LDHAL6A: variants seen among roughly 807,000 people sequenced by gnomAD.
LDHAL6A encodes lactate dehydrogenase A like 6A, also known as L-lactate dehydrogenase A-like 6A.
Under a neutral mutation model 28.2 loss-of-function variants are expected in LDHAL6A, and 19 were observed. The observed-to-expected ratio is 0.67, with a 90% CI of 0.47 to 0.99. LDHAL6A has a LOEUF of 0.99. Ranked by LOEUF, LDHAL6A falls within the 50% of genes least tolerant of loss-of-function variation. The probability of loss-of-function intolerance (pLI) is 0.00; values close to 1 mark genes in which losing one functional copy is unlikely to be tolerated. For missense variants in LDHAL6A, 372 were observed against 398.6 expected, an observed-to-expected ratio of 0.93 and a Z score of 0.57; for synonymous variants, 144 against 134.4, an observed-to-expected ratio of 1.07 and a Z score of -0.49.
At chr11:18,475,065 A>G (rs1293456841) in intron 3 of LDHAL6A, among the ~76,000 whole-genome samples, 2 of 152,166 alleles carry the variant, frequency 1.3e-5, no homozygotes, top group Non-Finnish European at 2.9e-5. Context: ...ACATAGTGAA[A>G]CCCCACCTCT....
intron 1 of LDHAL6A, among the ~76,000 whole-genome samples, chr11:18,461,117 C>A (rs1228818920): frequency 6.6e-6 from 1 of 151,136 alleles, no homozygotes; most frequent in Non-Finnish European, 1.5e-5. Context: ...GGATTACATG[C>A]GTGAGCCACC....
Position 18,464,974 on chromosome 11 carries a change from TTTG to T in LDHAL6A, c.245-660_245-658del, listed in dbSNP as rs1328222221. Among the ~76,000 whole-genome samples, 15 of 7,812 alleles carry T rather than the reference TTTG, an allele frequency of 1.9e-3. 1 individual carries two copies. Among genetic ancestry groups the T allele is most frequent in the Non-Finnish European group, 2.8e-4 (1 of 3,524 alleles). The allele number at this position is 7,812 out of a possible 152,430, so 5.1% of individuals were successfully genotyped here. A position where few individuals can be genotyped will look rare whatever the true frequency, so the allele number is the denominator to read the frequency against. Reference sequence around the variant, plus strand: ...GTATTTTAGGAGGTGAGGTGTTTTTTTTGTTTTTTTTTGTTTTGTTTTGTTTTG... The same window carrying T: ...GTATTTTAGGAGGTGAGGTGTTTTTTTTTTTTTTTGTTTTGTTTTGTTTTG... On this transcript the variant is annotated intron_variant, in intron 2 of 6. Transcript: ENST00000280706.
intron 3 of LDHAL6A, among the ~76,000 whole-genome samples, chr11:18,474,583 C>T (rs1849327296): frequency 6.6e-6 from 1 of 152,048 alleles, no homozygotes; most frequent in African/African-American, 2.4e-5. Context: ...GACGGGGTTT[C>T]AGCATGTTGG....
chr11:18,476,540 T>G (rs914647072), intron 5 of LDHAL6A, 39 bp downstream of exon 5: 1 of 1,604,252 alleles, frequency 6.2e-7, no homozygotes, highest in African/African-American at 1.3e-5. Context: ...CCTTAGAAGT[T>G]GTGAGCCTGA....
intron 1 of LDHAL6A, among the ~76,000 whole-genome samples, chr11:18,462,223 G>T (rs568156133): frequency 3.2e-4 from 48 of 151,996 alleles, no homozygotes; most frequent in African/African-American, 1.1e-3. Context: ...AAGGCCGGGC[G>T]CGGATTAAGG....
intron 2 of LDHAL6A, among the ~76,000 whole-genome samples, chr11:18,464,977 G>GTTTTTTTTGTTTTTTTTTTTTTTTTT (rs1849016188): frequency 8.0e-5 from 10 of 125,550 alleles, no homozygotes; most frequent in Non-Finnish European, 9.9e-5. Flanking sequence ...TGTTTTTTTT[G>GTTTTTTTTGTTTTTTTTTTTTTTTTT]TTTTTTTTTG....
At chr11:18,474,310 C>T (rs766994340) in intron 3 of LDHAL6A, among the ~76,000 whole-genome samples, 6 of 151,714 alleles carry the variant, frequency 4.0e-5, no homozygotes. Context: ...AACTCCTGAC[C>T]TCGTGATCCA....
At chr11:18,470,831 C>T (rs1009417433) in intron 3 of LDHAL6A, among the ~76,000 whole-genome samples, 8 of 151,930 alleles carry the variant, frequency 5.3e-5, no homozygotes, top group Admixed American at 3.9e-4. Flanking sequence ...GAATTACAGG[C>T]GTGCACTACC....
chr11:18,464,977 G>GTTTGTTTTTTTTTTTTTTTTTTT (rs1849013732), intron 2 of LDHAL6A, among the ~76,000 whole-genome samples: 3 of 125,560 alleles, frequency 2.4e-5, no homozygotes, highest in African/African-American at 1.0e-4. Flanking sequence ...TGTTTTTTTT[G>GTTTGTTTTTTTTTTTTTTTTTTT]TTTTTTTTTG....
At position 18,464,091 on chromosome 11, in the gene LDHAL6A, G is replaced by A. The variant is rs1387437887; in HGVS notation, c.244+13G>A. The stretch of plus-strand genomic sequence containing the variant: ...GTCTCCAGCAAAGGTTAATGTCATA[G>A]TTAAATACTATAAATATTCTAATAT... On this transcript the variant is annotated intron_variant, in intron 2 of 6. Coordinates refer to ENST00000280706, the MANE Select transcript of LDHAL6A (RefSeq NM_144972.5). The A allele has an allele frequency of 1.4e-6, 2 of 1,452,902 alleles. No homozygotes were observed. The highest frequency in any genetic ancestry group is 1.9e-6 in the Non-Finnish European group (2 of 1,033,326). The allele number at this position is 1,452,902 out of a possible 1,614,324, so 90.0% of individuals were successfully genotyped here. A position where few individuals can be genotyped will look rare whatever the true frequency, so the allele number is the denominator to read the frequency against.
At chr11:18,462,618 CAG>C (rs1848948487) in intron 1 of LDHAL6A, among the ~76,000 whole-genome samples, 1 of 140,246 alleles carries the variant, frequency 7.1e-6, no homozygotes, top group Admixed American at 7.7e-5. Context: ...GCCTGGGCAA[CAG>C]AGCAAGACTC....
chr11:18,467,414 T>C (rs551950607), intron 3 of LDHAL6A, among the ~76,000 whole-genome samples: 91 of 152,318 alleles, frequency 6.0e-4, no homozygotes, highest in African/African-American at 2.1e-3. Context: ...CAGCTTTTTG[T>C]TACTACATAC....
chr11:18,462,655 C>CAA lies in LDHAL6A; in HGVS notation c.127-1296_127-1295dup, dbSNP rs71047600. Among the ~76,000 whole-genome samples the CAA allele has an allele frequency of 4.0e-3, 418 of 105,488 alleles. 10 individuals are homozygous for CAA. Among genetic ancestry groups the CAA allele is most frequent in the African/African-American group, 9.6e-3 (195 of 20,406 alleles). The allele number at this position is 105,488 out of a possible 152,430, so 69.2% of individuals were successfully genotyped here. A position where few individuals can be genotyped will look rare whatever the true frequency, so the allele number is the denominator to read the frequency against. ...CTGTCTCAAAAAACAAACAAACAAA[C>CAA]AAAAAAAAAAACAAAAAAAACCCAA... On this transcript the variant is annotated intron_variant, in intron 1 of 6. Coordinates refer to ENST00000280706, the MANE Select transcript of LDHAL6A (RefSeq NM_144972.5).
At chr11:18,466,886 T>A (rs1565070110) in intron 3 of LDHAL6A, among the ~76,000 whole-genome samples, 1 of 152,108 alleles carries the variant, frequency 6.6e-6, no homozygotes, top group African/African-American at 2.4e-5. Flanking sequence ...GCAGGACTGC[T>A]GATAGATTAT....
chr11:18,478,622 G>A, intron 6 of LDHAL6A, 84 bp from the exon 7 acceptor site: 1 of 1,088,972 alleles, frequency 9.2e-7, no homozygotes, highest in Non-Finnish European at 1.4e-6. Context: ...ATACCAATCT[G>A]TTATTCATTC....
intron 3 of LDHAL6A, chr11:18,469,327 A>T: frequency 4.6e-6 from 2 of 437,324 alleles, no homozygotes; most frequent in South Asian, 1.1e-4. Flanking sequence ...CATTAAGGTT[A>T]TATGATAACA....
intron 3 of LDHAL6A, among the ~76,000 whole-genome samples, chr11:18,467,908 T>TACACAC (rs1565070916): frequency 1.4e-5 from 1 of 73,706 alleles, no homozygotes; most frequent in African/African-American, 6.6e-5. Context: ...TATATATATA[T>TACACAC]ATATATATAT....
At chr11:18,465,966 C>A (rs189370948) in intron 3 of LDHAL6A, among the ~76,000 whole-genome samples, 156 bp downstream of exon 3, 366 of 152,298 alleles carry the variant, frequency 2.4e-3, no homozygotes, top group African/African-American at 7.6e-3. Flanking sequence ...TCAGCCCTTG[C>A]TGCTCTCACT....
In LDHAL6A at chr11:18,463,957, T is replaced by C. The variant is rs777447930; in HGVS notation, c.127-4T>C. ...ACACCCATTGGACTAACAATGTTTT[T>C]CAGGGTTTGAGTGATGAACTTGTCC... On this transcript the variant is annotated splice_polypyrimidine_tract_variant and splice_region_variant and intron_variant, in intron 1 of 6. Transcript: ENST00000280706. 13 of 1,598,672 alleles carry C rather than the reference T, an allele frequency of 8.1e-6. No individual in the cohort carries two copies. The Admixed American group carries it at 1.0e-4, about 12-fold the overall frequency.
Sources: gnomAD v4.1 joint callset for allele counts (sites outside exome capture counted in the v4.1 genomes callset) on GRCh38, gnomAD v4.1.1 for gene constraint, MANE v1.5 for transcripts, NCBI Gene and HGNC (gene_info 2026-07-23, HGNC 2026-07-21) for gene names.